ETHE1: variants seen among roughly 807,000 people sequenced by gnomAD.
ETHE1 encodes the protein persulfide dioxygenase ETHE1, mitochondrial.
In ETHE1, 16 loss-of-function variants were observed where a neutral mutation model predicts 25.7. The observed-to-expected ratio is 0.62, with a 90% CI of 0.42 to 0.95. The LOEUF (loss-of-function observed/expected upper bound fraction) is 0.95, where lower values mean the gene tolerates loss of function less well. ETHE1 is among the 40% of genes least tolerant of loss of function. The pLI is 0.00. For missense variants in ETHE1, 300 were observed against 333.6 expected, an observed-to-expected ratio of 0.90 and a Z score of 0.79; for synonymous variants, 139 against 135.9, an observed-to-expected ratio of 1.02 and a Z score of -0.16.
chr19:43,522,970 T>C (rs548202255), intron 3 of ETHE1, among the ~76,000 whole-genome samples: 5 of 152,260 alleles, frequency 3.3e-5, no homozygotes, highest in Non-Finnish European at 5.9e-5. Flanking sequence ...TGCTGCTCTA[T>C]AGCAATAAGA....
intron 3 of ETHE1, among the ~76,000 whole-genome samples, chr19:43,518,109 AAAAG>A (rs1312655921): frequency 6.6e-6 from 1 of 151,416 alleles, no homozygotes; most frequent in Non-Finnish European, 1.5e-5. Context: ...TAAATAATAA[AAAAG>A]AAAACAAAAC....
rs71169253 is a variant in ETHE1 at position 43,518,999 on chromosome 19, GTTTTTTTTTTTTTTTTT to G, written c.375+7185_375+7201del. 5.2e-4 allele frequency among the ~76,000 whole-genome samples: 47 copies of G among 91,012 alleles called. 2 individuals are homozygous for G. Among genetic ancestry groups the G allele is most frequent in the South Asian group, 1.2e-3 (3 of 2,572 alleles). 59.7% of individuals were successfully genotyped at this position (91,012 alleles called of 152,430 possible). ...CTGATGGCTGATGAAATTTGTGCTT[GTTTTTTTTTTTTTTTTT>G]TTTTTTTTTTTTTGAGACAGTCTTG... On this transcript the variant is annotated intron_variant, in intron 3 of 6. Coordinates refer to ENST00000292147, the MANE Select transcript of ETHE1 (RefSeq NM_014297.5).
intron 3 of ETHE1, among the ~76,000 whole-genome samples, chr19:43,522,522 G>C (rs896431581): frequency 1.8e-4 from 28 of 151,876 alleles, no homozygotes; most frequent in African/African-American, 6.5e-4. Flanking sequence ...TGTCACTCAT[G>C]CTGGAGTGCA....
chr19:43,521,379 T>G (rs1051500746), intron 3 of ETHE1, among the ~76,000 whole-genome samples: 1 of 151,996 alleles, frequency 6.6e-6, no homozygotes, highest in African/African-American at 2.4e-5. Flanking sequence ...AGCGTCATCA[T>G]GTATTAAACA....
In ETHE1 at chr19:43,526,253, G is replaced by A; in HGVS notation, c.323C>T (p.Ala108Val). ...ATCCTCAATGTGTAAGTCAGCCTGG[G>A]CCCCACTAAGGCGGGAGATGACAGA... ...CQSVISRLSG[A>V]QADLHIEDGD... is the part of the protein sequence containing the mutation. Residue 108 changes from alanine to valine, a missense_variant, in exon 3 of 7, where the codon GCC (alanine) becomes GTC (valine). Ala to Val is a moderately conservative substitution (Grantham distance 64). Transcript: ENST00000292147. The A allele has an allele frequency of 1.2e-6, 2 of 1,614,182 alleles. No homozygotes were observed. Among genetic ancestry groups the A allele is most frequent in the Non-Finnish European group, 1.7e-6 (2 of 1,180,032 alleles).
At chr19:43,522,160 A>G (rs1049866772) in intron 3 of ETHE1, among the ~76,000 whole-genome samples, 48 of 152,148 alleles carry the variant, frequency 3.2e-4, no homozygotes, top group African/African-American at 1.1e-3. Flanking sequence ...TGGGGCTCAC[A>G]CCTGTAATCC....
chr19:43,507,510 G>T, intron 6 of ETHE1: 1 of 251,258 alleles, frequency 4.0e-6, no homozygotes. Flanking sequence ...CAGGAGTCCA[G>T]GCCCCCAGTT....
intron 3 of ETHE1, 156 bp downstream of exon 3, chr19:43,526,045 G>A (rs1289744003): frequency 1.8e-6 from 2 of 1,130,470 alleles, no homozygotes; most frequent in Non-Finnish European, 1.3e-6. Context: ...GGTTTATGGT[G>A]CCCCCCTCCC....
chr19:43,523,010 C>T (rs1438582851), intron 3 of ETHE1, among the ~76,000 whole-genome samples: 3 of 152,166 alleles, frequency 2.0e-5, no homozygotes, highest in Non-Finnish European at 4.4e-5. Context: ...AAACCAACAT[C>T]ATGTAGAGTG....
At chr19:43,524,741 C>A (rs1398683751) in intron 3 of ETHE1, among the ~76,000 whole-genome samples, 1 of 151,978 alleles carries the variant, frequency 6.6e-6, no homozygotes, top group Non-Finnish European at 1.5e-5. Context: ...AAGGTCAAGG[C>A]TGCAGTAAGC....
chr19:43,509,097 G>A (rs1971853973), intron 4 of ETHE1, among the ~76,000 whole-genome samples: 2 of 152,186 alleles, frequency 1.3e-5, no homozygotes, highest in African/African-American at 4.8e-5. Context: ...AAATAGGGTT[G>A]GAATGACACC....
intron 4 of ETHE1, among the ~76,000 whole-genome samples, 159 bp downstream of exon 4, chr19:43,511,278 G>T (rs1971909229): frequency 1.3e-5 from 2 of 152,160 alleles, no homozygotes; most frequent in Admixed American, 6.6e-5. Flanking sequence ...GTGCCAAAAA[G>T]GTTGGGGACC....
At chr19:43,511,972 C>T (rs879295913) in intron 3 of ETHE1, among the ~76,000 whole-genome samples, 2 of 152,076 alleles carry the variant, frequency 1.3e-5, no homozygotes, top group African/African-American at 2.4e-5. Context: ...GAATAAGTCT[C>T]ACGAGATCTG....
At position 43,511,459 on chromosome 19, in the gene ETHE1, A is replaced by G. The variant is rs2145984523; in HGVS notation, c.483T>C (p.Cys161=). The change falls in exon 4 of 7, where the codon TGT becomes TGC. Residue 161 remains cysteine (C), a synonymous_variant. Coordinates refer to ENST00000292147, the MANE Select transcript of ETHE1 (RefSeq NM_014297.5). ...CACCTTGCTGGAAGTCTGTCCGCCC[A>G]CACCCACGGATCAACAGGGCATCTC... The part of the protein sequence containing the change: ...FTGDALLIRG[C]GRTDFQQGCA... The G allele has an allele frequency of 6.2e-7, 1 of 1,614,184 alleles. No homozygotes were observed. The highest frequency in any genetic ancestry group is 1.1e-5 in the South Asian group (1 of 91,084).
At chr19:43,519,896 A>T (rs1362427668) in intron 3 of ETHE1, among the ~76,000 whole-genome samples, 2 of 152,076 alleles carry the variant, frequency 1.3e-5, no homozygotes, top group Admixed American at 1.3e-4. Flanking sequence ...CACATTAATA[A>T]ATCAATAATA....
Position 43,513,294 on chromosome 19 carries a change from G to C in ETHE1, c.376-1728C>G, listed in dbSNP as rs146318416. ...CCCCTAGTGGAGCTGTGAGAAGAGG[G>C]CCATCGCCCTCCAGAACCCAGAGTG... On this transcript the variant is annotated intron_variant, in intron 3 of 6. Transcript: ENST00000292147. Among the ~76,000 whole-genome samples the C allele has an allele frequency of 4.3e-3, 648 of 152,154 alleles. 3 individuals are homozygous for C. Among genetic ancestry groups the C allele is most frequent in the African/African-American group, 0.015 (625 of 41,512 alleles).
rs1283816456 is a variant in ETHE1, at chr19:43,526,683, G to A, written c.82-24C>T. 6 of 1,612,468 alleles carry A rather than the reference G, an allele frequency of 3.7e-6. No individual in the cohort carries two copies. The Admixed American group carries it at 6.7e-5, about 18-fold the overall frequency. Reference sequence around the variant, plus strand: ...ATCTGGGAACGGGGGACCCAGGTGAGGGCGCAGAACCGGACTTCCACCCAC... The same window carrying A: ...ATCTGGGAACGGGGGACCCAGGTGAAGGCGCAGAACCGGACTTCCACCCAC... On this transcript the variant is annotated intron_variant, in intron 1 of 6. Coordinates refer to ENST00000292147, the MANE Select transcript of ETHE1 (RefSeq NM_014297.5).
intron 3 of ETHE1, among the ~76,000 whole-genome samples, chr19:43,515,215 G>A (rs1206481234): frequency 2.0e-5 from 3 of 151,952 alleles, no homozygotes; most frequent in Admixed American, 2.0e-4. Flanking sequence ...TCAGGAGTTC[G>A]AGACCACCCC....
At chr19:43,526,984 G>C (rs1972265078) in intron 1 of ETHE1, 113 bp downstream of exon 1, 2 of 1,532,024 alleles carry the variant, frequency 1.3e-6, no homozygotes, top group African/African-American at 1.4e-5. Flanking sequence ...CCCGCTTTCC[G>C]CAAGATGCAG....
Sources: allele counts gnomAD v4.1 joint callset (sites outside exome capture counted in the v4.1 genomes callset), GRCh38; gene constraint gnomAD v4.1.1; transcripts MANE v1.5; gene names NCBI Gene and HGNC (gene_info 2026-07-23, HGNC 2026-07-21).